Variants in VPS13D observed in about 807,000 individuals in gnomAD.
VPS13D encodes the protein intermembrane lipid transfer protein VPS13D.
Under a neutral mutation model 461.9 loss-of-function variants are expected in VPS13D, and 187 were observed. The ratio of observed to expected loss-of-function variants is 0.40; its 90% CI spans 0.36 to 0.46. The LOEUF (loss-of-function observed/expected upper bound fraction) is 0.46, where lower values mean the gene tolerates loss of function less well. Among genes scored for constraint, VPS13D ranks in the 20% least tolerant of loss-of-function variants. The pLI is 0.60. For missense variants in VPS13D, 4,711 were observed against 5,364.9 expected (o/e 0.88, Z 3.81); for synonymous variants, 1,951 against 1,986.3 (o/e 0.98, Z 0.47).
At chr1:12,411,532 T>A (rs1475879841) in intron 63 of VPS13D, among the ~76,000 whole-genome samples, 3 of 97,348 alleles carry the variant, frequency 3.1e-5, no homozygotes, top group Non-Finnish European at 5.8e-5. Context: ...GAGAGAGAGA[T>A]GAGAGGGAAG....
Position 12,253,774 on chromosome 1 carries a change from A to G in VPS13D, c.617A>G (p.Tyr206Cys). Residue 206 changes from tyrosine (Y) to cysteine (C), a missense_variant, in exon 7 of 70, where the codon TAT (tyrosine) becomes TGT (cysteine). Transcript: ENST00000620676. The stretch of plus-strand genomic sequence containing the variant: ...TTAGACGTAGCAGAATTTAGCATCT[A>G]TTGGGATGTCGATTGCACTTTACTG... ...KQLDVAEFSI[Y>C]WDVDCTLLGD... The G allele has an allele frequency of 4.3e-6, 7 of 1,614,150 alleles. No individual in the cohort carries two copies. The highest frequency in any genetic ancestry group is 5.9e-6 in the Non-Finnish European group (7 of 1,180,006).
chr1:12,302,668 A>G (rs1642456746), intron 25 of VPS13D, among the ~76,000 whole-genome samples: 1 of 152,190 alleles, frequency 6.6e-6, no homozygotes, highest in African/African-American at 2.4e-5. Flanking sequence ...TATGGGATTC[A>G]GCAGTCAATC....
chr1:12,264,897 C>T (rs1313174573), intron 13 of VPS13D, among the ~76,000 whole-genome samples: 1 of 152,158 alleles, frequency 6.6e-6, no homozygotes, highest in East Asian at 1.9e-4. Flanking sequence ...TGCCTGGCTT[C>T]AAAGCTTCAA....
intron 54 of VPS13D, among the ~76,000 whole-genome samples, chr1:12,371,240 C>T (rs548500536): frequency 1.3e-5 from 2 of 152,230 alleles, no homozygotes; most frequent in South Asian, 4.2e-4. Context: ...CGCAGGAAAC[C>T]ACCCATCTGC....
At chr1:12,362,637 C>G (rs912206089) in intron 50 of VPS13D, 83 bp from the exon 51 acceptor site, 1 of 1,334,726 alleles carries the variant, frequency 7.5e-7, no homozygotes, top group African/African-American at 1.5e-5. Flanking sequence ...AACTAAGTAA[C>G]TGTGAAGGTT....
chr1:12,275,950 G>A lies in VPS13D; in HGVS notation c.2362G>A (p.Gly788Arg), dbSNP rs1364703377. Residue 788 changes from glycine to arginine, a missense_variant, in exon 19 of 70, where the codon GGA becomes AGA. By Grantham distance (125) the Gly-to-Arg change is moderately radical. Coordinates refer to ENST00000620676, the MANE Select transcript of VPS13D (RefSeq NM_015378.4). ...ACCTCCCGAGTCAAGCAGCAGCAAC[G>A]GAGAGAAAACACCTCCCTTTTCTGG... Reference protein sequence around the residue: ...TPPPESSSSNGEKTPPFSGVE... With the variant: ...TPPPESSSSNREKTPPFSGVE... 3 of 1,613,776 alleles carry A rather than the reference G, an allele frequency of 1.9e-6. No individual in the cohort carries two copies. The highest frequency in any genetic ancestry group is 1.7e-5 in the Admixed American group (1 of 59,958).
rs1449173201 is a variant in VPS13D, at chr1:12,244,290, C to T, written c.220C>T (p.His74Tyr). ...VTLQIPFYRP[H>Y]VDPWVISISS... is the part of the protein sequence containing the mutation. ...CCTTCAGATTCCCTTTTATCGCCCC[C>T]ATGTGGACCCTTGGGTGATCTCCAT... Residue 74 changes from histidine to tyrosine, a missense_variant, in exon 4 of 70, where the codon CAT becomes TAT. Physicochemically the swap from His to Tyr is moderately conservative, Grantham distance 83. This residue lies in a region of VPS13D where 4,411 missense variants were observed against 4,937.8 expected (regional missense o/e 0.89). Coordinates refer to ENST00000620676, the MANE Select transcript of VPS13D (RefSeq NM_015378.4). 6 of 1,614,114 alleles carry T rather than the reference C, an allele frequency of 3.7e-6. No homozygotes were observed. The Middle Eastern group carries it at 5.0e-4, about 133-fold the overall frequency.
intron 27 of VPS13D, among the ~76,000 whole-genome samples, chr1:12,310,784 C>T (rs1421535050): frequency 6.7e-6 from 1 of 148,536 alleles, no homozygotes; most frequent in Non-Finnish European, 1.5e-5. Flanking sequence ...TCCTTCCTTC[C>T]TTCCTTCCTT....
intron 14 of VPS13D, 51 bp from the exon 15 acceptor site, chr1:12,267,794 T>C: frequency 6.5e-7 from 1 of 1,536,700 alleles, no homozygotes; most frequent in Non-Finnish European, 9.0e-7. Flanking sequence ...GTTTAGTGAA[T>C]TGTCCCCTCT....
intron 42 of VPS13D, 34 bp downstream of exon 42, chr1:12,343,085 A>G (rs772556776): frequency 4.5e-6 from 7 of 1,561,486 alleles, no homozygotes; most frequent in Non-Finnish European, 6.1e-6. Flanking sequence ...TTTAAAAAAA[A>G]GAAAGTGGAT....
rs143505339 is a variant in VPS13D at position 12,293,578 on chromosome 1, C to T, written c.5907C>T (p.Leu1969=). 5 of 1,613,948 alleles carry T rather than the reference C, an allele frequency of 3.1e-6. No homozygotes were observed. Among genetic ancestry groups the T allele is most frequent in the Non-Finnish European group, 4.2e-6 (5 of 1,179,966 alleles). Residue 1969 remains leucine, a synonymous_variant, in exon 24 of 70, where the codon CTC becomes CTT. Coordinates refer to ENST00000620676, the MANE Select transcript of VPS13D (RefSeq NM_015378.4). ...LRREHDIRVS[L]RMASVQYVHT... is the part of the protein sequence containing the mutation. The stretch of plus-strand genomic sequence containing the variant: ...GAGAACACGACATTCGCGTGAGCCT[C>T]CGGATGGCCTCTGTGCAGTATGTGC...
intron 52 of VPS13D, among the ~76,000 whole-genome samples, chr1:12,367,974 T>A (rs922572300): frequency 3.3e-5 from 5 of 152,208 alleles, no homozygotes; most frequent in Non-Finnish European, 5.9e-5. Flanking sequence ...TCTCACCACG[T>A]TGCCCAGGCT....
chr1:12,241,262 C>T (rs1451141238), intron 2 of VPS13D, among the ~76,000 whole-genome samples: 1 of 152,150 alleles, frequency 6.6e-6, no homozygotes, highest in Admixed American at 6.5e-5. Flanking sequence ...CTTTAGAAGC[C>T]AGTAACCCAC....
chr1:12,315,429 A>C (rs901770302), intron 30 of VPS13D, among the ~76,000 whole-genome samples: 1 of 152,170 alleles, frequency 6.6e-6, no homozygotes, highest in African/African-American at 2.4e-5. Flanking sequence ...TTTTTTATGA[A>C]CTTTAAAAGT....
intron 46 of VPS13D, among the ~76,000 whole-genome samples, chr1:12,351,414 C>G (rs1324952673): frequency 6.6e-6 from 1 of 150,768 alleles, no homozygotes; most frequent in East Asian, 1.9e-4. Flanking sequence ...CCTCAGCCTC[C>G]TGAGTAGCTG....
chr1:12,365,061 A>G (rs1052133324), intron 52 of VPS13D, among the ~76,000 whole-genome samples: 1 of 152,194 alleles, frequency 6.6e-6, no homozygotes, highest in African/African-American at 2.4e-5. Context: ...GTTGAAAATC[A>G]TTTGACCCTA....
At chr1:12,417,518 G>C (rs1305810540) in intron 65 of VPS13D, among the ~76,000 whole-genome samples, 1 of 152,160 alleles carries the variant, frequency 6.6e-6, no homozygotes. Context: ...TTCTTGTAGA[G>C]ACTGGCTTTT....
At chr1:12,456,282 T>A in intron 66 of VPS13D, 152 bp downstream of exon 66, 8 of 1,156,820 alleles carry the variant, frequency 6.9e-6, no homozygotes, top group Non-Finnish European at 9.2e-6. Flanking sequence ...GGAGAGTGGA[T>A]CATGAGGTCA....
chr1:12,283,440 T>G lies in VPS13D; in HGVS notation c.5338T>G (p.Phe1780Val). ...EPKILVGKSKFDDSLVHINIF... is the reference protein window; with the variant it reads ...EPKILVGKSKVDDSLVHINIF... ...CAAGATACTTGTTGGAAAGAGTAAA[T>G]TTGATGATTCCTTAGTCCACATCAA... The change falls in exon 21 of 70, where the codon TTT becomes GTT. Residue 1780 changes from phenylalanine to valine, a missense_variant. Transcript: ENST00000620676. 1 of 1,614,222 alleles carries G rather than the reference T, an allele frequency of 6.2e-7. No individual in the cohort carries two copies. Among genetic ancestry groups the G allele is most frequent in the Non-Finnish European group, 8.5e-7 (1 of 1,180,026 alleles).
Sources: allele counts gnomAD v4.1 joint callset (sites outside exome capture counted in the v4.1 genomes callset), GRCh38; gene constraint gnomAD v4.1.1; regional missense constraint gnomAD v4.1.1; transcripts MANE v1.5; gene names NCBI Gene and HGNC (gene_info 2026-07-23, HGNC 2026-07-21).